Variants in ITPR2 observed in about 807,000 individuals in gnomAD.
The protein encoded by ITPR2 is inositol 1,4,5-trisphosphate-gated calcium channel ITPR2.
In ITPR2, 207 loss-of-function variants were observed where a neutral mutation model predicts 317.1. The ratio of observed to expected loss-of-function variants is 0.65; its 90% CI spans 0.58 to 0.73. ITPR2 has a LOEUF of 0.73. ITPR2 is among the 30% of genes least tolerant of loss of function. The pLI is 0.00. For synonymous variants in ITPR2, 1,156 were observed against 1,149.1 expected, an observed-to-expected ratio of 1.01 and a Z score of -0.12; for missense variants, 2,613 against 3,284.0, an observed-to-expected ratio of 0.80 and a Z score of 4.99.
intron 55 of ITPR2, among the ~76,000 whole-genome samples, chr12:26,374,331 A>C (rs1200239012): frequency 1.3e-5 from 2 of 152,226 alleles, no homozygotes; most frequent in Non-Finnish European, 2.9e-5. Flanking sequence ...CTTCAGCTCT[A>C]AACAGGTAAC....
At chr12:26,431,329 G>C (rs1167186455) in intron 48 of ITPR2, among the ~76,000 whole-genome samples, 1 of 152,174 alleles carries the variant, frequency 6.6e-6, no homozygotes, top group African/African-American at 2.4e-5. Context: ...ATGAAATCCT[G>C]GGTAGGGATA....
At chr12:26,467,732 C>T (rs189422917) in intron 45 of ITPR2, among the ~76,000 whole-genome samples, 90 of 152,226 alleles carry the variant, frequency 5.9e-4, no homozygotes, top group Admixed American at 4.4e-3. Context: ...TTATATCAAA[C>T]TAATAATTAG....
intron 39 of ITPR2, among the ~76,000 whole-genome samples, chr12:26,489,916 C>T (rs1029854218): frequency 2.6e-5 from 4 of 152,040 alleles, no homozygotes; most frequent in Non-Finnish European, 1.5e-5. Flanking sequence ...GGGAGGAGTG[C>T]GCTTTAGACT....
At chr12:26,395,371 T>C (rs889583296) in intron 54 of ITPR2, among the ~76,000 whole-genome samples, 2 of 152,206 alleles carry the variant, frequency 1.3e-5, no homozygotes, top group African/African-American at 4.8e-5. Context: ...ACTGGCTTTT[T>C]AATAACTGTG....
chr12:26,714,080 C>A (rs1006377015), intron 8 of ITPR2, among the ~76,000 whole-genome samples: 2 of 152,126 alleles, frequency 1.3e-5, no homozygotes, highest in Non-Finnish European at 2.9e-5. Context: ...AAGATAAGTT[C>A]TTTTGTACTA....
At chr12:26,481,298 A>T in intron 42 of ITPR2, 57 bp from the exon 43 acceptor site, 1 of 990,058 alleles carries the variant, frequency 1.0e-6, no homozygotes, top group Non-Finnish European at 1.6e-6. Flanking sequence ...TAGCACTAGA[A>T]CTAACAGGAT....
chr12:26,693,221 T>C (rs141984584), intron 10 of ITPR2, among the ~76,000 whole-genome samples: 199 of 152,318 alleles, frequency 1.3e-3, no homozygotes, highest in Non-Finnish European at 2.3e-3. Context: ...AATTAAAGTA[T>C]TGCCAGTAAC....
intron 21 of ITPR2, among the ~76,000 whole-genome samples, chr12:26,632,571 G>C (rs116917188): frequency 6.6e-6 from 1 of 152,140 alleles, no homozygotes; most frequent in Admixed American, 6.5e-5. Context: ...CTTGTGAGGA[G>C]GACTGTTACC....
intron 45 of ITPR2, among the ~76,000 whole-genome samples, chr12:26,460,444 T>C (rs182786905): frequency 4.6e-4 from 70 of 152,328 alleles, no homozygotes; most frequent in Admixed American, 2.9e-3. Context: ...CTTTAATTTC[T>C]GAGAAGCGGA....
chr12:26,626,385 G>C (rs942051026), intron 23 of ITPR2, among the ~76,000 whole-genome samples: 1 of 152,172 alleles, frequency 6.6e-6, no homozygotes, highest in Non-Finnish European at 1.5e-5. Context: ...TCCCTTACTG[G>C]TACAAAAAAA....
intron 43 of ITPR2, among the ~76,000 whole-genome samples, chr12:26,479,519 C>T (rs898578228): frequency 2.6e-5 from 4 of 152,110 alleles, no homozygotes; most frequent in Non-Finnish European, 5.9e-5. Context: ...ATCAAGACCT[C>T]TCTATGTTGT....
At chr12:26,424,905 A>G (rs1460911286) in intron 49 of ITPR2, among the ~76,000 whole-genome samples, 3 of 151,796 alleles carry the variant, frequency 2.0e-5, no homozygotes, top group Non-Finnish European at 4.4e-5. Flanking sequence ...GACTACAGGT[A>G]CGCACCATCA....
chr12:26,779,766 G>A (rs951298543), intron 2 of ITPR2, among the ~76,000 whole-genome samples: 11 of 152,234 alleles, frequency 7.2e-5, no homozygotes, highest in African/African-American at 2.7e-4. Flanking sequence ...ACTTGGTTGT[G>A]CACTTTGCAT....
intron 37 of ITPR2, among the ~76,000 whole-genome samples, chr12:26,519,043 G>A (rs1382779040): frequency 1.3e-5 from 2 of 152,102 alleles, no homozygotes; most frequent in East Asian, 3.8e-4. Context: ...AAAGGAAATT[G>A]TCAAAGAGCA....
chr12:26,733,409 A>C lies in ITPR2; in HGVS notation c.164-7644T>G, dbSNP rs936175018. 8.5e-5 allele frequency among the ~76,000 whole-genome samples: 13 copies of C among 152,080 alleles called. 1 individual carries two copies. Among genetic ancestry groups the C allele is most frequent in the African/African-American group, 2.9e-4 (12 of 41,422 alleles). On this transcript the variant is annotated intron_variant, in intron 2 of 56. Coordinates refer to ENST00000381340, the MANE Select transcript of ITPR2 (RefSeq NM_002223.4). ...ATGCCTCAGTTCTCATCCCTACCAC[A>C]GTCTTGCAACACAACACAACCTCTA...
At chr12:26,811,036 CAAAAAAAAAAAAAAA>C (rs79796097) in intron 1 of ITPR2, among the ~76,000 whole-genome samples, 2 of 108,314 alleles carry the variant, frequency 1.8e-5, no homozygotes, top group East Asian at 2.7e-4. Context: ...TTTTAAGTTA[CAAAAAAAAAAAAAAA>C]AAAAAAAAAC....
intron 6 of ITPR2, 44 bp downstream of exon 6, chr12:26,716,100 A>T (rs1948735591): frequency 7.9e-7 from 1 of 1,270,572 alleles, no homozygotes; most frequent in East Asian, 2.3e-5. Flanking sequence ...CCTCTGTCTC[A>T]TGAGAAAAAT....
Position 26,599,262 on chromosome 12 carries a change from GTGT to G in ITPR2, c.3882_3884del (p.Gln1294del), listed in dbSNP as rs763570978. 3 of 1,613,958 alleles carry G rather than the reference GTGT, an allele frequency of 1.9e-6. No homozygotes were observed. Among genetic ancestry groups the G allele is most frequent in the South Asian group, 2.2e-5 (2 of 91,084 alleles). ...CATGTGTCTCAATGCAGTGCACAAA[GTGT>G]TGTACAACTCTCTCGCTAATTTCGT... is the stretch of plus-strand genomic sequence containing the variant. On this transcript the variant is annotated inframe_deletion, in exon 30 of 57. Transcript: ENST00000381340.
chr12:26,691,339 A>C (rs1948236425), intron 10 of ITPR2, among the ~76,000 whole-genome samples: 1 of 152,136 alleles, frequency 6.6e-6, no homozygotes, highest in Non-Finnish European at 1.5e-5. Flanking sequence ...AAAGACACAG[A>C]AACACTAGTT....
Sources: gnomAD v4.1 joint callset for allele counts (sites outside exome capture counted in the v4.1 genomes callset) on GRCh38, gnomAD v4.1.1 for gene constraint, MANE v1.5 for transcripts, NCBI Gene and HGNC (gene_info 2026-07-23, HGNC 2026-07-21) for gene names.